VPS13D: variants seen among roughly 807,000 people sequenced by gnomAD.
VPS13D encodes vacuolar protein sorting 13 homolog D.
In VPS13D, 187 loss-of-function variants were observed where a neutral mutation model predicts 461.9. The ratio of observed to expected loss-of-function variants is 0.40; its 90% CI spans 0.36 to 0.46. The LOEUF (loss-of-function observed/expected upper bound fraction) is 0.46, where lower values mean the gene tolerates loss of function less well. Among genes scored for constraint, VPS13D ranks in the 20% least tolerant of loss-of-function variants. VPS13D has a pLI of 0.60. For synonymous variants in VPS13D, 1,951 were observed against 1,986.3 expected (o/e 0.98, Z 0.47); for missense variants, 4,711 against 5,364.9 (o/e 0.88, Z 3.81).
intron 17 of VPS13D, among the ~76,000 whole-genome samples, chr1:12,272,768 C>T (rs907387008): frequency 2.0e-5 from 3 of 152,150 alleles, no homozygotes; most frequent in Admixed American, 1.3e-4. Context: ...AGTACAGACT[C>T]TCCCCTATTT....
Position 12,400,204 on chromosome 1 carries a change from C to T in VPS13D, c.11658C>T (p.Thr3886=), listed in dbSNP as rs778641956. ...DVQVDNQLIG[T]TQPFMLYVTP... The stretch of plus-strand genomic sequence containing the variant: ...AGGTGGACAATCAGCTCATTGGTAC[C>T]ACGCAGCCCTTCATGCTCTATGTGA... Residue 3886 remains threonine (T), a synonymous_variant, in exon 61 of 70, where the codon ACC becomes ACT. Transcript: ENST00000620676. The T allele has an allele frequency of 6.2e-7, 1 of 1,613,972 alleles. No individual in the cohort carries two copies. The highest frequency in any genetic ancestry group is 2.2e-5 in the East Asian group (1 of 44,884).
intron 39 of VPS13D, chr1:12,337,535 A>G (rs1159442757): frequency 2.6e-5 from 4 of 152,194 alleles, no homozygotes. Context: ...TTTCTTTATC[A>G]GGGGAAAGAA....
At chr1:12,392,105 G>GT (rs1420870793) in intron 60 of VPS13D, among the ~76,000 whole-genome samples, 1 of 152,102 alleles carries the variant, frequency 6.6e-6, no homozygotes, top group Non-Finnish European at 1.5e-5. Context: ...CGAGCCATCT[G>GT]CCCGCCTAGG....
At chr1:12,433,917 G>GGAGAGAGAGAAAGTGAGAGAGA (rs1557436391) in intron 65 of VPS13D, among the ~76,000 whole-genome samples, 24 of 143,210 alleles carry the variant, frequency 1.7e-4, no homozygotes, top group African/African-American at 5.8e-4. Context: ...TAGGGGGTGG[G>GGAGAGAGAGAAAGTGAGAGAGA]GAGAGAGAGA....
chr1:12,389,967 T>C (rs1644402420), intron 60 of VPS13D, among the ~76,000 whole-genome samples: 1 of 152,246 alleles, frequency 6.6e-6, no homozygotes, highest in South Asian at 2.1e-4. Context: ...TCTGGGTCAG[T>C]CACCCCAGCC....
chr1:12,368,572 G>A lies in VPS13D; in HGVS notation c.10553G>A (p.Arg3518Gln), dbSNP rs1168406502. The change falls in exon 53 of 70, where the codon CGA becomes CAA. Residue 3518 changes from arginine (R) to glutamine (Q), a missense_variant. Physicochemically the swap from Arg to Gln is conservative, Grantham distance 43. Around this residue, in one of 3 missense-constraint regions of VPS13D, gnomAD observed 4,411 missense variants for 4,937.8 expected, o/e 0.89. Transcript: ENST00000620676. ...ACAGATCAGTTACCTCCTCCTTTCC[G>A]AATTGACAACTTTTCTAAGGTATCA... ...SDTDQLPPPFRIDNFSKVPVV... is the reference protein window; with the variant it reads ...SDTDQLPPPFQIDNFSKVPVV... 3 of 1,612,852 alleles carry A rather than the reference G, an allele frequency of 1.9e-6. No individual in the cohort carries two copies. The highest frequency in any genetic ancestry group is 1.3e-5 in the African/African-American group (1 of 75,012).
intron 21 of VPS13D, among the ~76,000 whole-genome samples, chr1:12,285,636 C>T (rs1169021069): frequency 1.3e-5 from 2 of 152,132 alleles, no homozygotes; most frequent in African/African-American, 4.8e-5. Context: ...TTTCACTCTA[C>T]ATACGTCAGT....
At position 12,509,904 on chromosome 1, in the gene VPS13D, A is replaced by G. The variant is rs1646160945; in HGVS notation, c.*880A>G. On this transcript the variant is annotated 3_prime_UTR_variant, in exon 70 of 70. Coordinates refer to ENST00000620676, the MANE Select transcript of VPS13D (RefSeq NM_015378.4). ...TCTGTTGATTGAGAAGGAAAAAAAA[A>G]GTCCCATTGAACTGTTGCAACAAAT... 1 of 152,238 alleles carries G rather than the reference A, an allele frequency of 6.6e-6. No homozygotes were observed. The highest frequency in any genetic ancestry group is 1.5e-5 in the Non-Finnish European group (1 of 68,052). 9.4% of individuals were successfully genotyped at this position (152,238 alleles called of 1,614,324 possible). A position where few individuals can be genotyped will look rare whatever the true frequency, so the allele number is the denominator to read the frequency against.
intron 65 of VPS13D, among the ~76,000 whole-genome samples, chr1:12,442,956 T>C (rs1486597370): frequency 6.6e-6 from 1 of 152,260 alleles, no homozygotes; most frequent in African/African-American, 2.4e-5. Context: ...CCATTACATT[T>C]TTTAAATTGT....
chr1:12,360,638 GCTT>G (rs1017041677), intron 50 of VPS13D, among the ~76,000 whole-genome samples: 6 of 152,140 alleles, frequency 3.9e-5, no homozygotes, highest in African/African-American at 1.4e-4. Flanking sequence ...GACAATGAAA[GCTT>G]CTCTGCATGT....
intron 63 of VPS13D, 121 bp downstream of exon 63, chr1:12,404,094 A>G (rs1644616677): frequency 5.7e-6 from 4 of 700,342 alleles, no homozygotes; most frequent in Non-Finnish European, 8.3e-6. Context: ...CCTCATCATC[A>G]TTCATAGCAG....
intron 13 of VPS13D, among the ~76,000 whole-genome samples, chr1:12,263,051 T>A (rs1354861347): frequency 6.6e-6 from 1 of 152,174 alleles, no homozygotes. Flanking sequence ...AACTCCATCC[T>A]AAGTCAAGGA....
At chr1:12,320,822 T>C (rs886114423) in intron 32 of VPS13D, among the ~76,000 whole-genome samples, 22 of 152,224 alleles carry the variant, frequency 1.4e-4, no homozygotes, top group Admixed American at 3.9e-4. Context: ...GGCAAAATAT[T>C]TGAGATCGCT....
chr1:12,324,783 T>C (rs1405987494), intron 35 of VPS13D, among the ~76,000 whole-genome samples: 1 of 152,242 alleles, frequency 6.6e-6, no homozygotes, highest in Non-Finnish European at 1.5e-5. Flanking sequence ...TTATGACCAT[T>C]TATTGAAGTC....
At chr1:12,314,072 A>G in intron 29 of VPS13D, 43 bp from the exon 30 acceptor site, 1 of 1,560,008 alleles carries the variant, frequency 6.4e-7, no homozygotes, top group South Asian at 1.1e-5. Context: ...AAAATGGAAG[A>G]GTTGTGTTTC....
intron 67 of VPS13D, among the ~76,000 whole-genome samples, chr1:12,484,758 A>G (rs1045882713): frequency 2.6e-5 from 4 of 152,146 alleles, no homozygotes; most frequent in Admixed American, 6.5e-5. Context: ...CTGGTTGAGG[A>G]GGTGTTGATA....
chr1:12,293,504 A>G lies in VPS13D; in HGVS notation c.5853-20A>G. 1 of 1,569,666 alleles carries G rather than the reference A, an allele frequency of 6.4e-7. No homozygotes were observed. The highest frequency in any genetic ancestry group is 1.7e-4 in the Middle Eastern group (1 of 5,890). On this transcript the variant is annotated intron_variant, in intron 23 of 69. Transcript: ENST00000620676. ...TGTGTCTTGCTGTTATCTGAGTCAC[A>G]CTTTTATCCTAATTTTTAGATACGG...
At chr1:12,378,310 T>C in intron 55 of VPS13D, 118 bp from the exon 56 acceptor site, 1 of 908,876 alleles carries the variant, frequency 1.1e-6, no homozygotes, top group Non-Finnish European at 1.5e-6. Context: ...GTGGAAAACG[T>C]CTAAATAAAC....
Position 12,383,905 on chromosome 1 carries a change from C to T in VPS13D, c.11370+750C>T, listed in dbSNP as rs149402761. 2.9e-3 allele frequency among the ~76,000 whole-genome samples: 443 copies of T among 152,268 alleles called. 1 individual carries two copies. Among genetic ancestry groups the T allele is most frequent in the African/African-American group, 0.01 (422 of 41,534 alleles). ...AAGGCCCACAGGTAGCAGAGTGATC[C>T]TCAGCCCAAGTGGCACACAGAATGT... is the stretch of plus-strand genomic sequence containing the variant. On this transcript the variant is annotated intron_variant, in intron 58 of 69. Transcript: ENST00000620676.
Sources: gnomAD v4.1 joint callset for allele counts (sites outside exome capture counted in the v4.1 genomes callset) on GRCh38, gnomAD v4.1.1 for gene constraint, gnomAD v4.1.1 regional missense constraint, MANE v1.5 for transcripts, NCBI Gene and HGNC (gene_info 2026-07-23, HGNC 2026-07-21) for gene names.